Variants in CACNA1D observed in about 807,000 individuals in gnomAD.
CACNA1D encodes calcium voltage-gated channel subunit alpha1 D, also known as voltage-dependent L-type calcium channel subunit alpha-1D.
In CACNA1D, 55 loss-of-function variants were observed where a neutral mutation model predicts 257.1. The ratio of observed to expected loss-of-function variants is 0.21; its 90% CI spans 0.17 to 0.27. The LOEUF (loss-of-function observed/expected upper bound fraction) is 0.27, where lower values mean the gene tolerates loss of function less well. Ranked by LOEUF, CACNA1D falls within the 10% of genes least tolerant of loss-of-function variation. The pLI is 1.00. For missense variants in CACNA1D, 1,876 were observed against 2,784.0 expected (o/e 0.67, Z 7.34); for synonymous variants, 980 against 1,014.9 (o/e 0.97, Z 0.65).
chr3:53,653,183 A>T (rs1576241533), intron 4 of CACNA1D, among the ~76,000 whole-genome samples: 1 of 152,274 alleles, frequency 6.6e-6, no homozygotes, highest in East Asian at 1.9e-4. Context: ...CCTGGGAGGC[A>T]GGGGTTGCAG....
At position 53,519,293 on chromosome 3, in the gene CACNA1D, G is replaced by A. The variant is rs2091462449; in HGVS notation, c.483+17573G>A. Among the ~76,000 whole-genome samples, 3 of 152,192 alleles carry A rather than the reference G, an allele frequency of 2.0e-5. No homozygotes were observed. The East Asian group carries it at 5.8e-4, about 29-fold the overall frequency. The stretch of plus-strand genomic sequence containing the variant: ...CTTGCCAGCAGGGCGTCTTGAGCTT[G>A]ACTCAGAAGGATATGTAAGTTTCTG... On this transcript the variant is annotated intron_variant, in intron 3 of 47. Transcript: ENST00000350061.
intron 39 of CACNA1D, among the ~76,000 whole-genome samples, chr3:53,784,937 G>A (rs976928907): frequency 5.9e-5 from 9 of 152,266 alleles, no homozygotes; most frequent in Admixed American, 2.0e-4. Flanking sequence ...GTAAGGTCCC[G>A]GCTTGACTGA....
chr3:53,774,452 A>G lies in CACNA1D; in HGVS notation c.4111-135A>G, dbSNP rs2095385124. On this transcript the variant is annotated intron_variant, in intron 33 of 47. Transcript: ENST00000350061. The surrounding 1 kb of genome is among the most constrained non-coding windows in gnomAD (Gnocchi z 4.3). Reference sequence around the variant, plus strand: ...GGTTGTGCCTGGCAGATCTTTTTTGAATGAGTGAAGTGCCAGGTACCATGA... The same window carrying G: ...GGTTGTGCCTGGCAGATCTTTTTTGGATGAGTGAAGTGCCAGGTACCATGA... 3 of 682,710 alleles carry G rather than the reference A, an allele frequency of 4.4e-6. No individual in the cohort carries two copies. In the South Asian group the frequency reaches 4.8e-5, roughly 11 times the overall value. The allele number at this position is 682,710 out of a possible 1,614,324, so 42.3% of individuals were successfully genotyped here. A position where few individuals can be genotyped will look rare whatever the true frequency, so the allele number is the denominator to read the frequency against.
intron 21 of CACNA1D, among the ~76,000 whole-genome samples, chr3:53,741,206 C>T (rs568993403): frequency 6.6e-6 from 1 of 152,252 alleles, no homozygotes; most frequent in African/African-American, 2.4e-5. Flanking sequence ...AACCACAGGG[C>T]GTGGGTCATT....
At position 53,685,069 on chromosome 3, in the gene CACNA1D, A is replaced by G. The variant is rs185996226; in HGVS notation, c.1220+11943A>G. Among the ~76,000 whole-genome samples the G allele has an allele frequency of 4.6e-5, 7 of 152,320 alleles. No individual in the cohort carries two copies. The East Asian group carries it at 1.2e-3, about 25-fold the overall frequency. On this transcript the variant is annotated intron_variant, in intron 8 of 47. Transcript: ENST00000350061. Reference sequence around the variant, plus strand: ...ATAATTGCATTGGACGAAAATGTACACAACATTTTAGTTAAAAGATAGAAA... The same window carrying G: ...ATAATTGCATTGGACGAAAATGTACGCAACATTTTAGTTAAAAGATAGAAA...
intron 3 of CACNA1D, among the ~76,000 whole-genome samples, chr3:53,535,496 C>T (rs1033582875): frequency 6.6e-6 from 1 of 152,314 alleles, no homozygotes; most frequent in Admixed American, 6.5e-5. Flanking sequence ...TGAATATTGA[C>T]TGGCAGGCTT....
At chr3:53,634,271 C>T (rs1324172048) in intron 3 of CACNA1D, among the ~76,000 whole-genome samples, 1 of 152,168 alleles carries the variant, frequency 6.6e-6, no homozygotes, top group Non-Finnish European at 1.5e-5. Context: ...CAATTGTGAT[C>T]AAGCTTGTTG....
At chr3:53,672,860 G>A (rs1002207846) in intron 7 of CACNA1D, among the ~76,000 whole-genome samples, 163 bp from the exon 8 acceptor site, 3 of 150,452 alleles carry the variant, frequency 2.0e-5, no homozygotes, top group South Asian at 4.2e-4. Context: ...TGTGATTAAT[G>A]TGTGTTGGCT....
intron 3 of CACNA1D, among the ~76,000 whole-genome samples, chr3:53,551,497 G>C (rs2092533993): frequency 6.6e-6 from 1 of 152,128 alleles, no homozygotes; most frequent in African/African-American, 2.4e-5. Context: ...TGTACCCACT[G>C]TCTCCTTCCT....
intron 37 of CACNA1D, among the ~76,000 whole-genome samples, chr3:53,777,230 G>T (rs1394731688): frequency 1.3e-5 from 2 of 152,202 alleles, no homozygotes; most frequent in Non-Finnish European, 2.9e-5. Flanking sequence ...GAACACAGGA[G>T]TTTGTCAGAG....
chr3:53,593,056 A>G (rs2093327324), intron 3 of CACNA1D, among the ~76,000 whole-genome samples: 1 of 152,208 alleles, frequency 6.6e-6, no homozygotes, highest in African/African-American at 2.4e-5. Flanking sequence ...TTCAAAAGTT[A>G]CAATAATTAA....
intron 21 of CACNA1D, 73 bp from the exon 22 acceptor site, chr3:53,742,938 A>G: frequency 1.1e-6 from 1 of 926,638 alleles, no homozygotes; most frequent in Non-Finnish European, 1.8e-6. Context: ...TTTCCTCAAG[A>G]TTTTGCAAAG....
At chr3:53,735,576 G>T in intron 20 of CACNA1D, 73 bp downstream of exon 20, 3 of 1,540,354 alleles carry the variant, frequency 1.9e-6, no homozygotes, top group Non-Finnish European at 2.7e-6. Flanking sequence ...GTAGAGATGG[G>T]AGCTGTGGAG....
chr3:53,568,263 ATTC>A (rs2092882654), intron 3 of CACNA1D, among the ~76,000 whole-genome samples: 1 of 152,146 alleles, frequency 6.6e-6, no homozygotes, highest in Non-Finnish European at 1.5e-5. Flanking sequence ...GATGACTGGT[ATTC>A]TTTAAAATGA....
intron 3 of CACNA1D, among the ~76,000 whole-genome samples, chr3:53,505,152 A>G (rs1575693100): frequency 8.8e-6 from 1 of 113,350 alleles, no homozygotes; most frequent in Non-Finnish European, 1.7e-5. Flanking sequence ...TCTGTTGCCC[A>G]GGCTGGAGTG....
intron 30 of CACNA1D, among the ~76,000 whole-genome samples, 166 bp from the exon 31 acceptor site, chr3:53,769,807 C>G (rs1357644130): frequency 6.6e-6 from 1 of 152,192 alleles, no homozygotes; most frequent in African/African-American, 2.4e-5. Context: ...GGCTGCCTGC[C>G]CTCAAGTCCA....
At chr3:53,569,416 C>T (rs966798688) in intron 3 of CACNA1D, among the ~76,000 whole-genome samples, 11 of 152,310 alleles carry the variant, frequency 7.2e-5, no homozygotes, top group Middle Eastern at 3.4e-3. Flanking sequence ...AATGTGGGCT[C>T]CACAATGGAG....
At chr3:53,691,855 A>AATATATATT (rs2094529015) in intron 8 of CACNA1D, among the ~76,000 whole-genome samples, 1 of 104,268 alleles carries the variant, frequency 9.6e-6, no homozygotes, top group Non-Finnish European at 1.9e-5. Flanking sequence ...TATAATATAT[A>AATATATATT]ATATATATTA....
chr3:53,754,795 A>C (rs2095252238), intron 29 of CACNA1D, among the ~76,000 whole-genome samples: 2 of 152,212 alleles, frequency 1.3e-5, no homozygotes, highest in Admixed American at 1.3e-4. Context: ...ACACTGATTT[A>C]ATTAAGTTAG....
Sources: allele counts gnomAD v4.1 joint callset (sites outside exome capture counted in the v4.1 genomes callset), GRCh38; gene constraint gnomAD v4.1.1; non-coding constraint Gnocchi (gnomAD v3.1); transcripts MANE v1.5; gene names NCBI Gene and HGNC (gene_info 2026-07-23, HGNC 2026-07-21).